Variants in TXNDC8 observed in about 807,000 individuals in gnomAD.
TXNDC8 encodes thioredoxin domain-containing protein 8.
A neutral mutation model predicts 12.9 loss-of-function variants in TXNDC8; 15 were observed. That is an observed-to-expected ratio of 1.16 (90% CI 0.78 to 1.79). The LOEUF is 1.79. TXNDC8 is among the 40% of genes most tolerant of loss of function. TXNDC8 has a pLI of 0.00. For missense variants in TXNDC8, 128 were observed against 113.2 expected, an observed-to-expected ratio of 1.13 and a Z score of -0.59; for synonymous variants, 40 against 35.4, an observed-to-expected ratio of 1.13 and a Z score of -0.46.
intron 2 of TXNDC8, among the ~76,000 whole-genome samples, chr9:110,332,961 A>G (rs1057031573): frequency 1.1e-4 from 16 of 152,238 alleles, no homozygotes; most frequent in African/African-American, 3.9e-4. Context: ...ACATCATGCT[A>G]AGTGAAACGA....
intron 3 of TXNDC8, among the ~76,000 whole-genome samples, chr9:110,309,382 C>G (rs952499980): frequency 1.3e-5 from 2 of 152,132 alleles, no homozygotes; most frequent in South Asian, 4.1e-4. Context: ...GTCATCCAGG[C>G]TGGAGTGCAG....
intron 2 of TXNDC8, among the ~76,000 whole-genome samples, chr9:110,327,701 T>C (rs1274704850): frequency 1.3e-5 from 2 of 152,214 alleles, no homozygotes; most frequent in African/African-American, 4.8e-5. Flanking sequence ...AAAGACCACA[T>C]ATTCTATGAT....
downstream of TXNDC8, among the ~76,000 whole-genome samples, chr9:110,301,541 G>A (rs956566287): frequency 2.6e-5 from 4 of 152,080 alleles, no homozygotes; most frequent in East Asian, 7.7e-4. Flanking sequence ...TATAATAGGA[G>A]CAAAATTGCC....
intron 2 of TXNDC8, among the ~76,000 whole-genome samples, chr9:110,331,754 C>T (rs1489001294): frequency 6.6e-6 from 1 of 152,144 alleles, no homozygotes; most frequent in Non-Finnish European, 1.5e-5. Context: ...GTGCAATTCA[C>T]AATAGGGTTT....
chr9:110,317,277 T>C (rs1838919584), intron 3 of TXNDC8, among the ~76,000 whole-genome samples: 1 of 152,244 alleles, frequency 6.6e-6, no homozygotes, highest in South Asian at 2.1e-4. Flanking sequence ...CAATGGCTCA[T>C]ATACTTGTTC....
At chr9:110,323,609 A>C (rs1420694135) in intron 3 of TXNDC8, 1 of 292,996 alleles carries the variant, frequency 3.4e-6, no homozygotes, top group Non-Finnish European at 6.1e-6. Flanking sequence ...GGAGAACACC[A>C]GATATGTTCA....
chr9:110,320,945 T>G (rs1231860066), intron 3 of TXNDC8, among the ~76,000 whole-genome samples: 1 of 152,210 alleles, frequency 6.6e-6, no homozygotes, highest in African/African-American at 2.4e-5. Flanking sequence ...TTCTTTGCCC[T>G]AGAACTAGGA....
chr9:110,324,030 A>G, intron 3 of TXNDC8: 1 of 1,546,168 alleles, frequency 6.5e-7, no homozygotes, highest in Non-Finnish European at 8.7e-7. Context: ...TAAGAATGCA[A>G]AAGGGAGTGG....
chr9:110,323,122 A>G, intron 3 of TXNDC8: 2 of 985,414 alleles, frequency 2.0e-6, no homozygotes, highest in Non-Finnish European at 2.4e-6. Context: ...GCTGTGCACA[A>G]ATCTGGAGAA....
chr9:110,335,784 A>G (rs1048723972), intron 1 of TXNDC8, among the ~76,000 whole-genome samples: 6 of 152,152 alleles, frequency 3.9e-5, no homozygotes, highest in Admixed American at 3.3e-4. Context: ...TGGACCGAAC[A>G]TTAAGAGGAG....
chr9:110,334,285 G>C lies in TXNDC8; in HGVS notation c.60C>G (p.His20Gln). ...AAGAAAATTGAACCACTGCGAGTTTGTGTCCGGCAGCTGTCAAAAATGTTT... is the reference window on the plus strand; with the variant it reads ...AAGAAAATTGAACCACTGCGAGTTTCTGTCCGGCAGCTGTCAAAAATGTTT... Residue 20 changes from histidine to glutamine, a missense_variant, in exon 2 of 5, where the codon CAC becomes CAG. By Grantham distance (24) the His-to-Gln change is conservative (BLOSUM62 0). Transcript: ENST00000423740. 6.2e-7 allele frequency: 1 copy of C among 1,613,828 alleles called. No individual in the cohort carries two copies. The highest frequency in any genetic ancestry group is 8.5e-7 in the Non-Finnish European group (1 of 1,179,728).
intron 3 of TXNDC8, among the ~76,000 whole-genome samples, chr9:110,321,214 A>T (rs770023435): frequency 2.0e-4 from 31 of 152,328 alleles, no homozygotes; most frequent in Non-Finnish European, 3.4e-4. Context: ...GGTGGCTGAT[A>T]GGGAGTGCCA....
At chr9:110,311,847 T>C (rs559955253) in intron 3 of TXNDC8, among the ~76,000 whole-genome samples, 2 of 146,282 alleles carry the variant, frequency 1.4e-5, no homozygotes, top group Admixed American at 7.0e-5. Context: ...ATACTATATA[T>C]GGATATACTA....
In TXNDC8 at chr9:110,303,713, A is replaced by G; in HGVS notation, c.262-5T>C. On this transcript the variant is annotated splice_polypyrimidine_tract_variant and splice_region_variant and intron_variant, in intron 4 of 4. Transcript: ENST00000423740. The stretch of plus-strand genomic sequence containing the variant: ...ATTTCCATCATCTGCAAGACACTTT[A>G]AATATAAATATACATTAAACACATT... The G allele has an allele frequency of 6.4e-7, 1 of 1,574,200 alleles. No homozygotes were observed. Among genetic ancestry groups the G allele is most frequent in the Non-Finnish European group, 8.7e-7 (1 of 1,154,258 alleles).
rs556381720 is a variant in TXNDC8 at position 110,316,585 on chromosome 9, C to T, written c.195+9590G>A. 2.6e-5 allele frequency among the ~76,000 whole-genome samples: 4 copies of T among 152,308 alleles called. No homozygotes were observed. In the East Asian group the frequency reaches 5.8e-4, roughly 22 times the overall value. Reference sequence around the variant, plus strand: ...CAAGCAGCTTGAATTTATATGCACTCGAATTCAAGAACAAGAGCCTATAAA... The same window carrying T: ...CAAGCAGCTTGAATTTATATGCACTTGAATTCAAGAACAAGAGCCTATAAA... On this transcript the variant is annotated intron_variant, in intron 3 of 4. Coordinates refer to ENST00000423740, the MANE Select transcript of TXNDC8 (RefSeq NM_001286946.2).
chr9:110,327,687 G>A (rs1242718362), intron 2 of TXNDC8, among the ~76,000 whole-genome samples: 2 of 152,166 alleles, frequency 1.3e-5, no homozygotes. Flanking sequence ...AGCAGCCAGA[G>A]ATTAAAGACC....
chr9:110,308,123 T>G (rs191438447), intron 3 of TXNDC8, among the ~76,000 whole-genome samples: 5 of 152,308 alleles, frequency 3.3e-5, no homozygotes, highest in Admixed American at 2.0e-4. Context: ...ATAGGACAAT[T>G]TGCTGAGGCC....
At chr9:110,306,137 G>A (rs1223358621) in intron 3 of TXNDC8, among the ~76,000 whole-genome samples, 3 of 152,178 alleles carry the variant, frequency 2.0e-5, no homozygotes, top group Non-Finnish European at 2.9e-5. Context: ...AAGGTGCTGG[G>A]ATTACAGGTG....
intron 2 of TXNDC8, among the ~76,000 whole-genome samples, chr9:110,328,509 A>G (rs1839425787): frequency 6.6e-6 from 1 of 152,264 alleles, no homozygotes; most frequent in African/African-American, 2.4e-5. Context: ...GGTAGGTTTT[A>G]GAAGTTGATT....
Sources: gnomAD v4.1 joint callset for allele counts (sites outside exome capture counted in the v4.1 genomes callset) on GRCh38, gnomAD v4.1.1 for gene constraint, MANE v1.5 for transcripts, NCBI Gene and HGNC (gene_info 2026-07-23, HGNC 2026-07-21) for gene names.